Variants in SLC39A6 observed in about 807,000 individuals in gnomAD.
The protein encoded by SLC39A6 is solute carrier family 39 member 6, also known as zinc transporter ZIP6.
A neutral mutation model predicts 63.5 loss-of-function variants in SLC39A6; 51 were observed. That is an observed-to-expected ratio of 0.80 (90% CI 0.64 to 1.01). SLC39A6 has a LOEUF of 1.01. SLC39A6 is among the 50% of genes least tolerant of loss of function. The pLI is 0.00. For synonymous variants in SLC39A6, 318 were observed against 324.7 expected, an observed-to-expected ratio of 0.98 and a Z score of 0.22; for missense variants, 805 against 927.8, an observed-to-expected ratio of 0.87 and a Z score of 1.72.
Position 36,124,657 on chromosome 18 carries a change from A to G in SLC39A6, c.833T>C (p.Ile278Thr). The part of the protein sequence containing the change: ...SKLLTSHGMG[I>T]QVPLNATEFN... The stretch of plus-strand genomic sequence containing the variant: ...CTCTGTTGCATTCAGCGGAACCTGG[A>G]TGCCCATGCCATGAGATGTCAGTAG... The change falls in exon 3 of 10, where the codon ATC (isoleucine) becomes ACC (threonine). Residue 278 changes from isoleucine (I) to threonine (T), a missense_variant. Around this residue, in one of 4 missense-constraint regions of SLC39A6, gnomAD observed 639 missense variants for 644.0 expected, o/e 0.99. Coordinates refer to ENST00000269187, the MANE Select transcript of SLC39A6 (RefSeq NM_012319.4). The G allele has an allele frequency of 6.3e-7, 1 of 1,582,216 alleles. No individual in the cohort carries two copies. Among genetic ancestry groups the G allele is most frequent in the Non-Finnish European group, 8.7e-7 (1 of 1,154,650 alleles).
Position 36,109,406 on chromosome 18 carries a change from C to T in SLC39A6, c.*187G>A. The T allele has an allele frequency of 2.2e-6, 1 of 445,118 alleles. No individual in the cohort carries two copies. Among genetic ancestry groups the T allele is most frequent in the Non-Finnish European group, 4.0e-6 (1 of 252,078 alleles). The allele number at this position is 445,118 out of a possible 1,614,324, so 27.6% of individuals were successfully genotyped here. On this transcript the variant is annotated 3_prime_UTR_variant, in exon 10 of 10. Transcript: ENST00000269187. ...GAATTGCACATACAGATTTTATCTC[C>T]AAGATAGAATAACTTAAATATTAAA...
intron 1 of SLC39A6, among the ~76,000 whole-genome samples, chr18:36,128,777 G>T (rs1449646005): frequency 1.3e-5 from 2 of 152,148 alleles, no homozygotes; most frequent in Non-Finnish European, 2.9e-5. Flanking sequence ...AAAAAGGCGA[G>T]TACAGAAAAC....
At position 36,122,210 on chromosome 18, in the gene SLC39A6, C is replaced by T; in HGVS notation, c.1201G>A (p.Gly401Arg). Residue 401 changes from glycine (G) to arginine (R), a missense_variant, in exon 5 of 10, where the codon GGA becomes AGA. Around this residue, in one of 4 missense-constraint regions of SLC39A6, gnomAD observed 639 missense variants for 644.0 expected, o/e 0.99. Coordinates refer to ENST00000269187, the MANE Select transcript of SLC39A6 (RefSeq NM_012319.4). ...GAAGACAGATGACTGAAAAGTGGTC[C>T]TCTTTTCATTTCCATTGCTGGTTCT... ...HEEPAMEMKR[G>R]PLFSHLSSQN... 2 of 1,614,048 alleles carry T rather than the reference C, an allele frequency of 1.2e-6. No homozygotes were observed. The highest frequency in any genetic ancestry group is 1.7e-6 in the Non-Finnish European group (2 of 1,179,976).
chr18:36,109,834 C>A, intron 9 of SLC39A6, 89 bp from the exon 10 acceptor site: 1 of 1,004,588 alleles, frequency 1.0e-6, no homozygotes, highest in Non-Finnish European at 1.5e-6. Context: ...GGACAGTATA[C>A]TAGCTTTATT....
chr18:36,122,002 TATAA>T, intron 5 of SLC39A6, 46 bp downstream of exon 5: 1 of 1,334,868 alleles, frequency 7.5e-7, no homozygotes. Flanking sequence ...AGAGTACTAC[TATAA>T]ATAAATATCT....
chr18:36,128,460 A>T (rs2089468776), intron 1 of SLC39A6, among the ~76,000 whole-genome samples: 1 of 152,252 alleles, frequency 6.6e-6, no homozygotes, highest in Admixed American at 6.5e-5. Context: ...TGTGTTGCAC[A>T]AGTGCGAGGT....
intron 9 of SLC39A6, 177 bp downstream of exon 9, chr18:36,110,882 T>A: frequency 9.4e-7 from 1 of 1,069,140 alleles, no homozygotes; most frequent in Non-Finnish European, 1.3e-6. Flanking sequence ...TCCTAGCTAC[T>A]CAGGAGGCTG....
Position 36,114,392 on chromosome 18 carries a change from CTCT to C in SLC39A6, c.1545_1547del (p.Glu516del), listed in dbSNP as rs759117233. Reference sequence around the variant, plus strand: ...GTGGATGAGCATGAGCTATCATGACCTCTTCTTCTTCCAAGACTGCAGGCTGCT... The same window carrying C: ...GTGGATGAGCATGAGCTATCATGACCTCTTCTTCCAAGACTGCAGGCTGCT... On this transcript the variant is annotated inframe_deletion, in exon 7 of 10. Coordinates refer to ENST00000269187, the MANE Select transcript of SLC39A6 (RefSeq NM_012319.4). The C allele has an allele frequency of 3.7e-6, 6 of 1,614,086 alleles. No homozygotes were observed. The highest frequency in any genetic ancestry group is 3.4e-6 in the Non-Finnish European group (4 of 1,180,044).
intron 4 of SLC39A6, 93 bp from the exon 5 acceptor site, chr18:36,122,363 A>C: frequency 1.1e-6 from 1 of 903,838 alleles, no homozygotes; most frequent in Non-Finnish European, 1.7e-6. Flanking sequence ...GAAATCATTC[A>C]GTTATGCAAT....
chr18:36,116,610 G>C lies in SLC39A6; in HGVS notation c.1465+64C>G, dbSNP rs560097088. 6.0e-4 allele frequency: 681 copies of C among 1,127,298 alleles called. 2 individuals are homozygous for C. The highest frequency in any genetic ancestry group is 9.6e-4 in the Middle Eastern group (5 of 5,198). The allele number at this position is 1,127,298 out of a possible 1,614,324, so 69.8% of individuals were successfully genotyped here. ...GGTCCCATTTCTTCCAGATAGTCAA[G>C]TTGCCTGCAAATCATACAGCAATGA... On this transcript the variant is annotated intron_variant, in intron 6 of 9. Coordinates refer to ENST00000269187, the MANE Select transcript of SLC39A6 (RefSeq NM_012319.4).
intron 6 of SLC39A6, among the ~76,000 whole-genome samples, chr18:36,115,816 T>A (rs1330747105): frequency 6.6e-6 from 1 of 152,144 alleles, no homozygotes; most frequent in African/African-American, 2.4e-5. Context: ...TAACTCAGTC[T>A]GTCCGACAAG....
chr18:36,116,776 G>A lies in SLC39A6; in HGVS notation c.1363C>T (p.Gln455Ter). ...KQFKDKKKKNQKKPENDDDVE... is the reference protein window; with the variant it reads ...KQFKDKKKKN Reference sequence around the variant, plus strand: ...TCATCATCATTTTCAGGTTTCTTCTGATTCTAAAATAGTGAGGGAAAACAA... The same window carrying A: ...TCATCATCATTTTCAGGTTTCTTCTAATTCTAAAATAGTGAGGGAAAACAA... The change falls in exon 6 of 10, where the codon CAG becomes TAG. Residue 455 changes from glutamine (Q) to a stop codon, truncating the protein, a stop_gained. Transcript: ENST00000269187. LOFTEE classifies it high-confidence loss of function. The A allele has an allele frequency of 6.2e-7, 1 of 1,604,224 alleles. No homozygotes were observed. The highest frequency in any genetic ancestry group is 8.5e-7 in the Non-Finnish European group (1 of 1,172,214).
rs1219764160 is a variant in SLC39A6, at chr18:36,109,254, G to C, written c.*339C>G. ...TCCTAAACACCAGCAGTTCTTCAGA[G>C]ACCTAAAATCCAGTATAGGAATAAC... is the stretch of plus-strand genomic sequence containing the variant. On this transcript the variant is annotated 3_prime_UTR_variant, in exon 10 of 10. Transcript: ENST00000269187. 1 of 160,260 alleles carries C rather than the reference G, an allele frequency of 6.2e-6. No individual in the cohort carries two copies. The highest frequency in any genetic ancestry group is 6.4e-5 in the Admixed American group (1 of 15,566). The allele number at this position is 160,260 out of a possible 1,614,324, so 9.9% of individuals were successfully genotyped here.
Position 36,114,475 on chromosome 18 carries a change from C to T in SLC39A6, c.1466-1G>A. On this transcript the variant is annotated splice_acceptor_variant, in intron 6 of 9. Coordinates refer to ENST00000269187, the MANE Select transcript of SLC39A6 (RefSeq NM_012319.4). LOFTEE classifies it high-confidence loss of function. Reference sequence around the variant, plus strand: ...TCTGCTCGTAAATAGCCTTCAGTTCCTAGGAATAAACATAAAGGGCATGGG... The same window carrying T: ...TCTGCTCGTAAATAGCCTTCAGTTCTTAGGAATAAACATAAAGGGCATGGG... 1 of 1,605,370 alleles carries T rather than the reference C, an allele frequency of 6.2e-7. No homozygotes were observed. The highest frequency in any genetic ancestry group is 8.5e-7 in the Non-Finnish European group (1 of 1,177,160).
intron 7 of SLC39A6, among the ~76,000 whole-genome samples, chr18:36,113,102 T>A (rs34972108): frequency 0.3 from 45,357 of 151,702 alleles, 7,147 homozygotes; most frequent in Middle Eastern, 0.46. Flanking sequence ...CATATATATT[T>A]TTTTTTTTCA....
intron 5 of SLC39A6, among the ~76,000 whole-genome samples, chr18:36,117,019 A>T (rs529182270): frequency 6.6e-6 from 1 of 152,192 alleles, no homozygotes; most frequent in Non-Finnish European, 1.5e-5. Flanking sequence ...CAGGCAGATC[A>T]TGAGGTCAGG....
chr18:36,115,461 A>AAC (rs2089336970), intron 6 of SLC39A6, among the ~76,000 whole-genome samples: 1 of 147,484 alleles, frequency 6.8e-6, no homozygotes, highest in African/African-American at 2.5e-5. Context: ...AAAAAAATTA[A>AAC]AACAACAACA....
chr18:36,110,869 T>C (rs2089294695), intron 9 of SLC39A6, 190 bp downstream of exon 9: 3 of 932,676 alleles, frequency 3.2e-6, no homozygotes, highest in African/African-American at 3.4e-5. Context: ...ATTGAGCCTA[T>C]AGTCCTAGCT....
chr18:36,126,294 C>T lies in SLC39A6; in HGVS notation c.714G>A (p.Arg238=), dbSNP rs1426870102. ...SKSRVSRLAG[R]KTNESVSEPR... Reference sequence around the variant, plus strand: ...GCTCACTCACAGATTCATTTGTTTTCCTACCAGCCAGCCGGCTCACCCGGC... The same window carrying T: ...GCTCACTCACAGATTCATTTGTTTTTCTACCAGCCAGCCGGCTCACCCGGC... The change falls in exon 2 of 10, where the codon AGG becomes AGA. Residue 238 remains arginine (R), a synonymous_variant. Transcript: ENST00000269187. The T allele has an allele frequency of 1.9e-6, 3 of 1,614,250 alleles. No homozygotes were observed. Among genetic ancestry groups the T allele is most frequent in the Admixed American group, 3.3e-5 (2 of 60,032 alleles).
Sources: allele counts gnomAD v4.1 joint callset (sites outside exome capture counted in the v4.1 genomes callset), GRCh38; gene constraint gnomAD v4.1.1; regional missense constraint gnomAD v4.1.1; transcripts MANE v1.5; gene names NCBI Gene and HGNC (gene_info 2026-07-23, HGNC 2026-07-21).